TNRC6A: variants seen among roughly 807,000 people sequenced by gnomAD.
The protein encoded by TNRC6A is trinucleotide repeat-containing gene 6A protein.
A neutral mutation model predicts 221.2 loss-of-function variants in TNRC6A; 44 were observed. The ratio of observed to expected loss-of-function variants is 0.20; its 90% CI spans 0.16 to 0.26. The LOEUF (loss-of-function observed/expected upper bound fraction) is 0.26, where lower values mean the gene tolerates loss of function less well. Ranked by LOEUF, TNRC6A falls within the 10% of genes least tolerant of loss-of-function variation. The pLI, the probability that TNRC6A is intolerant of heterozygous loss-of-function variation, is 1.00. For synonymous variants in TNRC6A, 847 were observed against 838.5 expected (o/e 1.01, Z -0.18); for missense variants, 2,199 against 2,404.4 (o/e 0.91, Z 1.79).
chr16:24,743,558 C>T (rs1406383824), intron 2 of TNRC6A, among the ~76,000 whole-genome samples: 1 of 90,912 alleles, frequency 1.1e-5, no homozygotes, highest in Non-Finnish European at 2.8e-5. Context: ...CTCCTGGGCC[C>T]AAGCAATCTG....
intron 4 of TNRC6A, among the ~76,000 whole-genome samples, chr16:24,760,549 G>A (rs1313765021): frequency 6.6e-6 from 1 of 151,906 alleles, no homozygotes; most frequent in Non-Finnish European, 1.5e-5. Context: ...TTCTTTTCAC[G>A]CTGTCTCTCT....
chr16:24,745,546 T>G (rs1242298373), intron 2 of TNRC6A, among the ~76,000 whole-genome samples: 1 of 152,204 alleles, frequency 6.6e-6, no homozygotes, highest in African/African-American at 2.4e-5. Flanking sequence ...TATGTGAGGA[T>G]GAGCTAGCTT....
At chr16:24,719,809 C>G (rs200542) in intron 2 of TNRC6A, among the ~76,000 whole-genome samples, 29,123 of 145,148 alleles carry the variant, frequency 0.2, 3,344 homozygotes, top group South Asian at 0.33. Flanking sequence ...CCATTGCACT[C>G]AAGCTCAGGC....
chr16:24,730,149 C>A, intron 1 of TNRC6A, 104 bp from the exon 2 acceptor site: 17 of 789,892 alleles, frequency 2.2e-5, no homozygotes, highest in East Asian at 9.5e-5. Context: ...CCTCCCCCAT[C>A]CGGCCCCGGC....
At chr16:24,755,188 GCT>G (rs2057223519) in intron 3 of TNRC6A, among the ~76,000 whole-genome samples, 1 of 152,210 alleles carries the variant, frequency 6.6e-6, no homozygotes, top group Admixed American at 6.5e-5. Context: ...TCATAGGAAA[GCT>G]CTCTGAGCAC....
At chr16:24,730,336 A>G (rs1426125793) in intron 2 of TNRC6A, 36 bp downstream of exon 2, 2 of 1,600,302 alleles carry the variant, frequency 1.2e-6, no homozygotes, top group Non-Finnish European at 1.7e-6. Flanking sequence ...CCGCCCCACG[A>G]TAATCGTATA....
chr16:24,806,600 A>C lies in TNRC6A; in HGVS notation c.4356A>C (p.Gln1452His). 1 of 1,614,172 alleles carries C rather than the reference A, an allele frequency of 6.2e-7. No individual in the cohort carries two copies. ...GTCGACCTCTTAGTGTGCAGCAGCA[A>C]ATGATGCAACAATCTCGTCAACTTG... ...QQGRPLSVQQ[Q>H]MMQQSRQLDP... is the part of the protein sequence containing the mutation. Residue 1452 changes from glutamine to histidine, a missense_variant, in exon 17 of 25, where the codon CAA becomes CAC. Coordinates refer to ENST00000395799, the MANE Select transcript of TNRC6A (RefSeq NM_014494.4).
At position 24,816,920 on chromosome 16, in the gene TNRC6A, G is replaced by C. The variant is rs377307175; in HGVS notation, c.4936G>C (p.Val1646Leu). The C allele has an allele frequency of 1.2e-6, 2 of 1,613,918 alleles. No individual in the cohort carries two copies. The highest frequency in any genetic ancestry group is 1.7e-6 in the Non-Finnish European group (2 of 1,180,024). ...CATAAACAATCTTTCAATTAATACT[G>C]TGCGGGAAGTTGACCACCTCAGGGA... Reference protein sequence around the residue: ...SVINNLSINTVREVDHLRDRN... With the variant: ...SVINNLSINTLREVDHLRDRN... The change falls in exon 20 of 25, where the codon GTG becomes CTG. Residue 1646 changes from valine (V) to leucine (L), a missense_variant. By Grantham distance (32) the Val-to-Leu change is conservative. Around this residue, in one of 8 missense-constraint regions of TNRC6A, gnomAD observed 449 missense variants for 579.7 expected, o/e 0.77. Coordinates refer to ENST00000395799, the MANE Select transcript of TNRC6A (RefSeq NM_014494.4).
chr16:24,783,119 A>G (rs1347649047), intron 5 of TNRC6A, among the ~76,000 whole-genome samples: 1 of 152,146 alleles, frequency 6.6e-6, no homozygotes, highest in African/African-American at 2.4e-5. Context: ...CTTCCTGAAT[A>G]AGTGATGCTG....
intron 2 of TNRC6A, among the ~76,000 whole-genome samples, chr16:24,648,019 C>T (rs1051235225): frequency 3.9e-5 from 6 of 152,124 alleles, no homozygotes; most frequent in East Asian, 1.9e-4. Flanking sequence ...AATGTCTTCA[C>T]GGTTCATCCA....
Position 24,687,770 on chromosome 16 carries a change from G to A in TNRC6A, n.402+46761G>A, listed in dbSNP as rs560401629. ...GCTATGATCATGTTACTACACTCCC[G>A]TCTGGGTGACAGAGCAAGAGAAGGA... On this transcript the variant is annotated intron_variant and non_coding_transcript_variant, in intron 2 of 2. Coordinates refer to the TNRC6A transcript ENST00000566108. Among the ~76,000 whole-genome samples the A allele has an allele frequency of 8.2e-4, 124 of 150,948 alleles. 1 individual carries two copies. The highest frequency in any genetic ancestry group is 2.4e-3 in the East Asian group (12 of 5,096).
intron 4 of TNRC6A, among the ~76,000 whole-genome samples, chr16:24,764,174 A>AAGTG (rs1243653453): frequency 6.6e-6 from 1 of 151,408 alleles, no homozygotes; most frequent in Non-Finnish European, 1.5e-5. Context: ...TTCCACTTGT[A>AAGTG]AGTGAGATCT....
At chr16:24,687,972 G>A (rs1445153990) in intron 2 of TNRC6A, among the ~76,000 whole-genome samples, 17 of 76,028 alleles carry the variant, frequency 2.2e-4, no homozygotes, top group African/African-American at 4.8e-4. Flanking sequence ...TTTTTTTGTC[G>A]CCCAGGCTAG....
chr16:24,689,339 G>A (rs1328149723), intron 2 of TNRC6A, among the ~76,000 whole-genome samples: 1 of 152,150 alleles, frequency 6.6e-6, no homozygotes, highest in African/African-American at 2.4e-5. Context: ...GAGGAAGGTG[G>A]GCAGGATTTG....
chr16:24,823,080 C>G lies in TNRC6A; in HGVS notation c.5513+67C>G. ...AAGGAGTGTGAGAGCACAGCCTGAC[C>G]CGGGGCAGTGCACAGGGTCCTGCGT... is the stretch of plus-strand genomic sequence containing the variant. On this transcript the variant is annotated intron_variant, in intron 24 of 24. Coordinates refer to ENST00000395799, the MANE Select transcript of TNRC6A (RefSeq NM_014494.4). The surrounding 1 kb of genome is among the most constrained non-coding windows in gnomAD (Gnocchi z 4.3). The G allele has an allele frequency of 1.2e-6, 2 of 1,604,196 alleles. No individual in the cohort carries two copies. The highest frequency in any genetic ancestry group is 1.7e-6 in the Non-Finnish European group (2 of 1,173,548).
intron 2 of TNRC6A, among the ~76,000 whole-genome samples, chr16:24,712,903 G>A (rs2142321764): frequency 7.0e-6 from 1 of 143,266 alleles, no homozygotes; most frequent in East Asian, 2.0e-4. Flanking sequence ...ATAGTTATGT[G>A]CCACTGTGTG....
rs778046741 is a variant in TNRC6A at position 24,804,864 on chromosome 16, G to T, written c.3984+13G>T. The T allele has an allele frequency of 6.2e-7, 1 of 1,613,458 alleles. No individual in the cohort carries two copies. Among genetic ancestry groups the T allele is most frequent in the South Asian group, 1.1e-5 (1 of 90,912 alleles). ...TTCTGTTAGACAGGTAAGTCCAGAT[G>T]TGTATTTTAGGCTCTCAGTTGAATG... On this transcript the variant is annotated intron_variant, in intron 13 of 24. Coordinates refer to ENST00000395799, the MANE Select transcript of TNRC6A (RefSeq NM_014494.4).
intron 2 of TNRC6A, among the ~76,000 whole-genome samples, chr16:24,721,450 C>T (rs2056408999): frequency 6.6e-6 from 1 of 152,104 alleles, no homozygotes; most frequent in Non-Finnish European, 1.5e-5. Flanking sequence ...GTGTGGATCC[C>T]TTGAGCCCAG....
chr16:24,698,107 C>G (rs767439951), intron 2 of TNRC6A, among the ~76,000 whole-genome samples: 3 of 151,362 alleles, frequency 2.0e-5, no homozygotes, highest in African/African-American at 7.3e-5. Flanking sequence ...GCAGGAGGAC[C>G]GCTTGAGCCC....
Sources: gnomAD v4.1 joint callset for allele counts (sites outside exome capture counted in the v4.1 genomes callset) on GRCh38, gnomAD v4.1.1 for gene constraint, gnomAD v4.1.1 regional missense constraint, Gnocchi (gnomAD v3.1) non-coding constraint, MANE v1.5 for transcripts, NCBI Gene and HGNC (gene_info 2026-07-23, HGNC 2026-07-21) for gene names.